ARHGEF10: variants seen among roughly 807,000 people sequenced by gnomAD.
The protein encoded by ARHGEF10 is Rho guanine nucleotide exchange factor 10.
A neutral mutation model predicts 147.4 loss-of-function variants in ARHGEF10; 140 were observed. The ratio of observed to expected loss-of-function variants is 0.95; its 90% CI spans 0.83 to 1.09. The LOEUF (loss-of-function observed/expected upper bound fraction) is 1.09. Ranked by LOEUF, ARHGEF10 falls within the 50% of genes least tolerant of loss-of-function variation. The pLI is 0.00. For synonymous variants in ARHGEF10, 902 were observed against 695.8 expected, an observed-to-expected ratio of 1.30 and a Z score of -4.67; for missense variants, 2,222 against 1,752.7, an observed-to-expected ratio of 1.27 and a Z score of -4.78.
At chr8:1,853,839 C>T (rs1805339492) in intron 2 of ARHGEF10, among the ~76,000 whole-genome samples, 1 of 152,168 alleles carries the variant, frequency 6.6e-6, no homozygotes, top group African/African-American at 2.4e-5. Context: ...TGCAGCTGCA[C>T]TGCCAGGTGG....
At chr8:1,955,745 A>G (rs1410539211) in intron 28 of ARHGEF10, among the ~76,000 whole-genome samples, 1 of 152,266 alleles carries the variant, frequency 6.6e-6, no homozygotes, top group African/African-American at 2.4e-5. Context: ...ACCCATTTGC[A>G]TTACACATCA....
rs745394013 is a variant in ARHGEF10, at chr8:1,903,373, T to G, written c.1743T>G (p.Asn581Lys). ...TELETLAEKL[N>K]ERKRDADQRC... ...TCGAAACACTAGCAGAGAAGTTAAA[T>G]GAAAGAAAGAGAGATGCTGATCAAC... The change falls in exon 16 of 29, where the codon AAT becomes AAG. Residue 581 changes from asparagine (N) to lysine (K), a missense_variant. Asn to Lys is a moderately conservative substitution (Grantham distance 94, BLOSUM62 0). Transcript: ENST00000349830. The G allele has an allele frequency of 6.2e-7, 1 of 1,614,136 alleles. No individual in the cohort carries two copies. The highest frequency in any genetic ancestry group is 2.2e-5 in the East Asian group (1 of 44,886).
intron 6 of ARHGEF10, among the ~76,000 whole-genome samples, chr8:1,868,013 G>T (rs999918362): frequency 6.6e-6 from 1 of 152,148 alleles, no homozygotes; most frequent in Admixed American, 6.5e-5. Flanking sequence ...AAATTTGTCT[G>T]ATTTTTTTCT....
In ARHGEF10 at chr8:1,937,903, T is replaced by C. The variant is rs1813750023; in HGVS notation, c.3222+3961T>C. Among the ~76,000 whole-genome samples, 1 of 151,526 alleles carries C rather than the reference T, an allele frequency of 6.6e-6. No individual in the cohort carries two copies. Among genetic ancestry groups the C allele is most frequent in the South Asian group, 2.1e-4 (1 of 4,830 alleles). Reference sequence around the variant, plus strand: ...CTCTGAGGCTTCGGTGTTCCTGGAGTGACTGTGCCAGTGGAGGAGTCAGCA... The same window carrying C: ...CTCTGAGGCTTCGGTGTTCCTGGAGCGACTGTGCCAGTGGAGGAGTCAGCA... On this transcript the variant is annotated intron_variant, in intron 26 of 28. Coordinates refer to ENST00000349830, the MANE Select transcript of ARHGEF10 (RefSeq NM_014629.4). The surrounding 1 kb of genome is among the most constrained non-coding windows in gnomAD (Gnocchi z 4.9).
At chr8:1,924,249 C>T (rs144007275) in intron 21 of ARHGEF10, among the ~76,000 whole-genome samples, 4 of 152,236 alleles carry the variant, frequency 2.6e-5, no homozygotes, top group South Asian at 2.1e-4. Context: ...GGCCCTTCTG[C>T]TCACCCCTCA....
intron 1 of ARHGEF10, among the ~76,000 whole-genome samples, chr8:1,840,526 C>T (rs1423614339): frequency 6.8e-6 from 1 of 147,518 alleles, no homozygotes; most frequent in Non-Finnish European, 1.5e-5. Flanking sequence ...TGGAATCTGT[C>T]CGGTGTGGGG....
At chr8:1,949,018 A>ATGTGTGTGTGTG (rs56097916) in intron 27 of ARHGEF10, among the ~76,000 whole-genome samples, 4 of 149,960 alleles carry the variant, frequency 2.7e-5, no homozygotes, top group Non-Finnish European at 5.9e-5. Context: ...ATGGGTTTTC[A>ATGTGTGTGTGTG]TGTGTGTGTG....
In ARHGEF10 at chr8:1,945,637, G is replaced by A. The variant is rs201082852; in HGVS notation, c.3379G>A (p.Val1127Ile). The A allele has an allele frequency of 4.3e-6, 7 of 1,614,196 alleles. No individual in the cohort carries two copies. The highest frequency in any genetic ancestry group is 5.1e-6 in the Non-Finnish European group (6 of 1,180,008). Reference sequence around the variant, plus strand: ...GCAGGACATCAACATCGCCACCCCTGTTCACAACATGCTGCCAGGTAAGGG... The same window carrying A: ...GCAGGACATCAACATCGCCACCCCTATTCACAACATGCTGCCAGGTAAGGG... ...HLQDINIATPVHNMLPGHQRL... is the reference protein window; with the variant it reads ...HLQDINIATPIHNMLPGHQRL... Residue 1127 changes from valine (V) to isoleucine (I), a missense_variant, in exon 27 of 29, where the codon GTT becomes ATT. Physicochemically the swap from Val to Ile is conservative, Grantham distance 29. Coordinates refer to ENST00000349830, the MANE Select transcript of ARHGEF10 (RefSeq NM_014629.4).
intron 1 of ARHGEF10, among the ~76,000 whole-genome samples, chr8:1,842,973 A>T (rs1218007986): frequency 6.6e-6 from 1 of 152,230 alleles, no homozygotes; most frequent in Non-Finnish European, 1.5e-5. Context: ...ACCTGATCCC[A>T]GCTAAGTCTG....
At chr8:1,917,105 C>T (rs1414386529) in intron 18 of ARHGEF10, among the ~76,000 whole-genome samples, 1 of 152,190 alleles carries the variant, frequency 6.6e-6, no homozygotes, top group Admixed American at 6.5e-5. Context: ...CGAACAGTGA[C>T]GTGGAGACAT....
chr8:1,888,373 A>T, intron 11 of ARHGEF10, among the ~76,000 whole-genome samples: 1 of 124,286 alleles, frequency 8.0e-6, no homozygotes, highest in Non-Finnish European at 1.7e-5. Flanking sequence ...GTGAGGAGAT[A>T]CTGAGGTGAT....
intron 20 of ARHGEF10, 68 bp downstream of exon 20, chr8:1,923,663 C>T: frequency 1.9e-6 from 3 of 1,613,926 alleles, no homozygotes; most frequent in Non-Finnish European, 2.5e-6. Flanking sequence ...TTTGTCATGA[C>T]ATGTATGTTT....
At chr8:1,891,916 T>A (rs1264214404) in intron 11 of ARHGEF10, among the ~76,000 whole-genome samples, 3 of 150,908 alleles carry the variant, frequency 2.0e-5, no homozygotes, top group Non-Finnish European at 2.9e-5. Context: ...TATATTAGTA[T>A]CATCTCAGGA....
rs116305494 is a variant in ARHGEF10, at chr8:1,932,105, T to A, written c.3080-1695T>A. On this transcript the variant is annotated intron_variant, in intron 25 of 28. Coordinates refer to ENST00000349830, the MANE Select transcript of ARHGEF10 (RefSeq NM_014629.4). ...CTGACCTAGGATTCACAACCCTGCG[T>A]TCTTGTGCCACTCCATGCCCTTCAG... Among the ~76,000 whole-genome samples, 328 of 152,310 alleles carry A rather than the reference T, an allele frequency of 2.2e-3. 1 individual carries two copies. Among genetic ancestry groups the A allele is most frequent in the African/African-American group, 7.7e-3 (322 of 41,558 alleles).
intron 23 of ARHGEF10, among the ~76,000 whole-genome samples, chr8:1,927,974 C>T (rs147065509): frequency 1.3e-5 from 2 of 152,080 alleles, no homozygotes; most frequent in African/African-American, 2.4e-5. Context: ...CCACAGCATA[C>T]CACATGTTGA....
At chr8:1,865,891 G>T (rs563690350) in intron 5 of ARHGEF10, among the ~76,000 whole-genome samples, 1 of 152,318 alleles carries the variant, frequency 6.6e-6, no homozygotes, top group South Asian at 2.1e-4. Context: ...ACTGATCCCT[G>T]GTGCATCTCA....
intron 23 of ARHGEF10, chr8:1,927,633 C>G (rs781695880): frequency 6.6e-6 from 1 of 152,412 alleles, no homozygotes; most frequent in Non-Finnish European, 1.5e-5. Flanking sequence ...AGAAATTCCA[C>G]GGCAGGCGTG....
chr8:1,853,702 C>T (rs1805325812), intron 2 of ARHGEF10, among the ~76,000 whole-genome samples: 2 of 152,214 alleles, frequency 1.3e-5, no homozygotes, highest in African/African-American at 4.8e-5. Context: ...GGGGGAGCCT[C>T]CTGGGTTGCA....
At chr8:1,865,512 C>G (rs1168070472) in intron 5 of ARHGEF10, among the ~76,000 whole-genome samples, 1 of 152,010 alleles carries the variant, frequency 6.6e-6, no homozygotes, top group Non-Finnish European at 1.5e-5. Context: ...CCCCCAGCAC[C>G]CATGAGGCCG....
Sources: allele counts gnomAD v4.1 joint callset (sites outside exome capture counted in the v4.1 genomes callset), GRCh38; gene constraint gnomAD v4.1.1; non-coding constraint Gnocchi (gnomAD v3.1); transcripts MANE v1.5; gene names NCBI Gene and HGNC (gene_info 2026-07-23, HGNC 2026-07-21).